The following NALF1 variants were observed in gnomAD, a reference collection of about 807,000 sequenced individuals.
The protein encoded by NALF1 is NALCN channel auxiliary factor 1, also known as family with sequence similarity 155 member A.
NALF1 carries 3 observed loss-of-function variants against 48.4 expected under a neutral mutation model. The ratio of observed to expected loss-of-function variants is 0.06; its 90% confidence interval spans 0.03 to 0.16. The LOEUF is 0.16. Among genes scored for constraint, NALF1 ranks in the 10% least tolerant of loss-of-function variants. The pLI, the probability that NALF1 is intolerant of heterozygous loss-of-function variation, is 1.00. For synonymous variants in NALF1, 262 were observed against 245.7 expected, an observed-to-expected ratio of 1.07 and a Z score of -0.62; for missense variants, 526 against 571.5, an observed-to-expected ratio of 0.92 and a Z score of 0.81.
intron 1 of NALF1, among the ~76,000 whole-genome samples, chr13:107,523,023 C>A (rs764920346): frequency 2.0e-5 from 3 of 152,112 alleles, no homozygotes; most frequent in Non-Finnish European, 2.9e-5. Flanking sequence ...TCATTGGTTT[C>A]TCATCTGAAA....
intron 1 of NALF1, among the ~76,000 whole-genome samples, chr13:107,795,154 A>G (rs1878381030): frequency 6.6e-6 from 1 of 152,212 alleles, no homozygotes; most frequent in African/African-American, 2.4e-5. Context: ...TCTATTCAGA[A>G]TGCAAGCGTA....
chr13:107,716,834 A>C (rs900814781), intron 1 of NALF1, among the ~76,000 whole-genome samples: 1 of 151,164 alleles, frequency 6.6e-6, no homozygotes, highest in Non-Finnish European at 1.5e-5. Context: ...AGAGGAGTGG[A>C]ATTATGAAGA....
intron 1 of NALF1, among the ~76,000 whole-genome samples, chr13:107,432,964 G>A (rs971702675): frequency 6.6e-6 from 1 of 152,116 alleles, no homozygotes; most frequent in African/African-American, 2.4e-5. Flanking sequence ...CAGCAGCCCA[G>A]GGAGTCCCTT....
At chr13:107,801,528 C>T (rs1214754717) in intron 1 of NALF1, among the ~76,000 whole-genome samples, 1 of 152,086 alleles carries the variant, frequency 6.6e-6, no homozygotes, top group Non-Finnish European at 1.5e-5. Flanking sequence ...AATAATAAGA[C>T]AGATGGTTTT....
chr13:107,171,487 T>G (rs1247402156), intron 2 of NALF1, among the ~76,000 whole-genome samples: 1 of 152,222 alleles, frequency 6.6e-6, no homozygotes, highest in Non-Finnish European at 1.5e-5. Flanking sequence ...GTCCTCCAAT[T>G]GTGCCTATCA....
chr13:107,627,989 T>C (rs1879725495), intron 1 of NALF1, among the ~76,000 whole-genome samples: 1 of 152,140 alleles, frequency 6.6e-6, no homozygotes, highest in South Asian at 2.1e-4. Flanking sequence ...GGTAAAGTTA[T>C]GTGGAATTTA....
chr13:107,405,592 T>C (rs1883885504), intron 1 of NALF1, among the ~76,000 whole-genome samples: 2 of 152,066 alleles, frequency 1.3e-5, no homozygotes, highest in Admixed American at 6.6e-5. Context: ...AATTGTGATC[T>C]ACATTAGAAC....
chr13:107,267,666 A>G (rs979532393), intron 1 of NALF1, among the ~76,000 whole-genome samples: 5 of 152,230 alleles, frequency 3.3e-5, no homozygotes, highest in African/African-American at 1.2e-4. Flanking sequence ...ATACCTACGA[A>G]GAAGTTTAAA....
chr13:107,513,630 T>C (rs1051241703), intron 1 of NALF1, among the ~76,000 whole-genome samples: 16 of 152,156 alleles, frequency 1.1e-4, no homozygotes, highest in African/African-American at 2.7e-4. Context: ...AGATCAATGG[T>C]GGGGTTCCAT....
At chr13:107,823,797 A>C (rs1015948494) in intron 1 of NALF1, among the ~76,000 whole-genome samples, 2 of 152,172 alleles carry the variant, frequency 1.3e-5, no homozygotes, top group African/African-American at 4.8e-5. Context: ...TATGCTGCTT[A>C]CTAGCTGTGT....
At chr13:107,253,801 G>A (rs887120600) in intron 1 of NALF1, among the ~76,000 whole-genome samples, 16 of 151,820 alleles carry the variant, frequency 1.1e-4, no homozygotes, top group African/African-American at 3.1e-4. Context: ...TTCCTCTCCC[G>A]GATCTTCACG....
intron 1 of NALF1, among the ~76,000 whole-genome samples, chr13:107,861,266 A>C (rs989926968): frequency 2.0e-5 from 3 of 152,204 alleles, no homozygotes; most frequent in African/African-American, 4.8e-5. Flanking sequence ...AAAAAATTTT[A>C]AGTAGTCATC....
At chr13:107,190,886 G>A (rs1336882427) in intron 2 of NALF1, among the ~76,000 whole-genome samples, 1 of 152,188 alleles carries the variant, frequency 6.6e-6, no homozygotes, top group Non-Finnish European at 1.5e-5. Context: ...GAAAGGTAGA[G>A]TTTGGGGGAT....
intron 1 of NALF1, among the ~76,000 whole-genome samples, chr13:107,622,455 C>T (rs1298489091): frequency 1.1e-5 from 1 of 93,596 alleles, no homozygotes; most frequent in Non-Finnish European, 2.4e-5. Context: ...AACAAACAAA[C>T]AAACAACAAC....
intron 1 of NALF1, among the ~76,000 whole-genome samples, chr13:107,577,098 G>T (rs901989733): frequency 1.3e-5 from 2 of 152,170 alleles, no homozygotes; most frequent in South Asian, 2.1e-4. Context: ...TGGCATGAAG[G>T]CTTGGCTCCA....
In NALF1 at chr13:107,733,256, G is replaced by A. The variant is rs560208132; in HGVS notation, c.915+132426C>T. Reference sequence around the variant, plus strand: ...CCTAGCAACCTAGGCAGAAGTGAGAGGCTCCAGCAGTGACAGCAGCACATT... The same window carrying A: ...CCTAGCAACCTAGGCAGAAGTGAGAAGCTCCAGCAGTGACAGCAGCACATT... On this transcript the variant is annotated intron_variant, in intron 1 of 2. Transcript: ENST00000375915. Among the ~76,000 whole-genome samples, 3 of 152,262 alleles carry A rather than the reference G, an allele frequency of 2.0e-5. No individual in the cohort carries two copies. In the South Asian group the frequency reaches 6.2e-4, roughly 32 times the overall value.
intron 1 of NALF1, among the ~76,000 whole-genome samples, chr13:107,463,356 G>A (rs1176046114): frequency 6.6e-6 from 1 of 152,100 alleles, no homozygotes; most frequent in Non-Finnish European, 1.5e-5. Context: ...CAATTCTATG[G>A]GCCCAGAGGG....
chr13:107,303,286 C>A (rs9555343), intron 1 of NALF1, among the ~76,000 whole-genome samples: 52,067 of 151,860 alleles, frequency 0.34, 10,890 homozygotes, highest in South Asian at 0.54. Context: ...ATTAAATCAT[C>A]ATCACAAAAC....
At chr13:107,473,932 T>C (rs930322863) in intron 1 of NALF1, among the ~76,000 whole-genome samples, 2 of 152,172 alleles carry the variant, frequency 1.3e-5, no homozygotes, top group Non-Finnish European at 1.5e-5. Context: ...GTATGTGTTT[T>C]TCCCTGTATA....
Sources: gnomAD v4.1 joint callset for allele counts (sites outside exome capture counted in the v4.1 genomes callset) on GRCh38, gnomAD v4.1.1 for gene constraint, MANE v1.5 for transcripts, NCBI Gene and HGNC (gene_info 2026-07-23, HGNC 2026-07-21) for gene names.